TUBA8: variants seen among roughly 807,000 people sequenced by gnomAD.
TUBA8 encodes the protein tubulin alpha 8.
TUBA8 carries 29 observed loss-of-function variants against 34.7 expected under a neutral mutation model. The ratio of observed to expected loss-of-function variants is 0.84; its 90% CI spans 0.62 to 1.14. The LOEUF is 1.14. Ranked by LOEUF, TUBA8 falls within the 50% of genes most tolerant of loss-of-function variation. TUBA8 has a pLI of 0.00. For missense variants in TUBA8, 541 were observed against 599.2 expected (o/e 0.90, Z 1.01); for synonymous variants, 226 against 231.2 (o/e 0.98, Z 0.21).
intron 2 of TUBA8, 180 bp from the exon 3 acceptor site, chr22:18,123,976 G>C: frequency 1.4e-6 from 1 of 724,584 alleles, no homozygotes; most frequent in Non-Finnish European, 2.3e-6. Context: ...GGCTCTGTTA[G>C]TCCCTGAGCT....
chr22:18,126,308 C>T lies in TUBA8; in HGVS notation c.376-46C>T, dbSNP rs754267950. On this transcript the variant is annotated intron_variant, in intron 3 of 4. Transcript: ENST00000330423. The surrounding 1 kb of genome is among the most constrained non-coding windows in gnomAD (Gnocchi z 4.0). ...TGGCTTTTTTACTGTGGGGTGTTCT[C>T]GGAAACTTGTCTTCATGATTTCTTC... The T allele has an allele frequency of 2.0e-5, 32 of 1,601,168 alleles. No homozygotes were observed. In the Admixed American group the frequency reaches 2.0e-4, roughly 10 times the overall value.
In TUBA8 at chr22:18,111,222, G is replaced by A; in HGVS notation, c.3+354G>A. The stretch of plus-strand genomic sequence containing the variant: ...CAGAGTGGAGAGAAGGGCGAGTCCG[G>A]GGATTCTGGATGGGTGGTCTGGGCC... On this transcript the variant is annotated intron_variant, in intron 1 of 4. Coordinates refer to ENST00000330423, the MANE Select transcript of TUBA8 (RefSeq NM_018943.3). The surrounding 1 kb of genome is among the most constrained non-coding windows in gnomAD (Gnocchi z 5.1). The A allele has an allele frequency of 2.5e-6, 1 of 404,250 alleles. No individual in the cohort carries two copies. The highest frequency in any genetic ancestry group is 4.2e-5 in the South Asian group (1 of 23,770). The allele number at this position is 404,250 out of a possible 1,614,324, so 25.0% of individuals were successfully genotyped here.
chr22:18,130,094 C>T (rs1359344520), intron 4 of TUBA8: 1 of 152,172 alleles, frequency 6.6e-6, no homozygotes, highest in African/African-American at 2.4e-5. Context: ...CAACACCATC[C>T]CGGGGCCTTT....
At chr22:18,129,924 C>T (rs1337784921) in intron 4 of TUBA8, 1 of 152,180 alleles carries the variant, frequency 6.6e-6, no homozygotes, top group Non-Finnish European at 1.5e-5. Flanking sequence ...AGAGAGATTT[C>T]CAGGATAGCA....
Position 18,121,771 on chromosome 22 carries a change from TAAGGA to T in TUBA8, c.226+72_226+76del, listed in dbSNP as rs2123700241. On this transcript the variant is annotated intron_variant, in intron 2 of 4. Coordinates refer to ENST00000330423, the MANE Select transcript of TUBA8 (RefSeq NM_018943.3). This position sits in a 1 kb window ranked among gnomAD's most constrained non-coding sequence, Gnocchi z 4.8. ...TGCAGAGGCATTGGCCCACAGTAGCTAAGGAAGCAGCGTCTCTAGCTGGAAGGTGG... is the reference window on the plus strand; with the variant it reads ...TGCAGAGGCATTGGCCCACAGTAGCTAGCAGCGTCTCTAGCTGGAAGGTGG... The T allele has an allele frequency of 6.8e-7, 1 of 1,470,866 alleles. No individual in the cohort carries two copies. Among genetic ancestry groups the T allele is most frequent in the African/African-American group, 1.4e-5 (1 of 72,232 alleles). The allele number at this position is 1,470,866 out of a possible 1,614,324, so 91.1% of individuals were successfully genotyped here. A position where few individuals can be genotyped will look rare whatever the true frequency, so the allele number is the denominator to read the frequency against.
chr22:18,113,217 A>T (rs1330759500), intron 1 of TUBA8: 1 of 152,234 alleles, frequency 6.6e-6, no homozygotes. Flanking sequence ...TCTGTCCTGG[A>T]GCCTAAAGTG....
rs1928345718 is a variant in TUBA8 at position 18,126,888 on chromosome 22, A to T, written c.910A>T (p.Lys304Ter). 1.2e-6 allele frequency: 2 copies of T among 1,611,666 alleles called. No homozygotes were observed. The highest frequency in any genetic ancestry group is 2.7e-5 in the African/African-American group (2 of 74,848). ...CTTTGAGCCCAACAGCCAGATGGTGAAGTGCGACCCGAGACATGGCAAGTA... is the reference window on the plus strand; with the variant it reads ...CTTTGAGCCCAACAGCCAGATGGTGTAGTGCGACCCGAGACATGGCAAGTA... ...SCFEPNSQMV[K>*]CDPRHGKYMA... The change falls in exon 4 of 5, where the codon AAG becomes TAG. Residue 304 changes from lysine to a stop codon, truncating the protein, a stop_gained. Coordinates refer to ENST00000330423, the MANE Select transcript of TUBA8 (RefSeq NM_018943.3). LOFTEE classifies it high-confidence loss of function. This position sits in a 1 kb window ranked among gnomAD's most constrained non-coding sequence, Gnocchi z 4.0.
intron 1 of TUBA8, chr22:18,113,683 G>T (rs362043): frequency 0.32 from 49,131 of 152,110 alleles, 8,348 homozygotes; most frequent in African/African-American, 0.43. Flanking sequence ...GCTCTGTGGA[G>T]TTGATAGGTG....
rs1472584015 is a variant in TUBA8, at chr22:18,126,202, A to G, written c.376-152A>G. The G allele has an allele frequency of 4.1e-6, 3 of 740,072 alleles. No individual in the cohort carries two copies. The highest frequency in any genetic ancestry group is 6.9e-6 in the Non-Finnish European group (3 of 437,460). 45.8% of individuals were successfully genotyped at this position (740,072 alleles called of 1,614,324 possible). A position where few individuals can be genotyped will look rare whatever the true frequency, so the allele number is the denominator to read the frequency against. On this transcript the variant is annotated intron_variant, in intron 3 of 4. Transcript: ENST00000330423. The surrounding 1 kb of genome is among the most constrained non-coding windows in gnomAD (Gnocchi z 4.0). Reference sequence around the variant, plus strand: ...TAGCCACTCCTCCAAAGATCAATACAACTCCTTTTGTTTCCTTACTTCTTC... The same window carrying G: ...TAGCCACTCCTCCAAAGATCAATACGACTCCTTTTGTTTCCTTACTTCTTC...
At position 18,111,726 on chromosome 22, in the gene TUBA8, A is replaced by C. The variant is rs1222061785; in HGVS notation, c.3+858A>C. 6.6e-6 allele frequency: 1 copy of C among 152,044 alleles called. No individual in the cohort carries two copies. Among genetic ancestry groups the C allele is most frequent in the Non-Finnish European group, 1.5e-5 (1 of 68,030 alleles). The allele number at this position is 152,044 out of a possible 1,614,324, so 9.4% of individuals were successfully genotyped here. On this transcript the variant is annotated intron_variant, in intron 1 of 4. Coordinates refer to ENST00000330423, the MANE Select transcript of TUBA8 (RefSeq NM_018943.3). The surrounding 1 kb of genome is among the most constrained non-coding windows in gnomAD (Gnocchi z 5.1). ...CCCAGGAATCCCTCCTGGACCCCTG[A>C]TCTTTCAGCAGTAGGGAGATGGGCT... is the stretch of plus-strand genomic sequence containing the variant.
Position 18,124,291 on chromosome 22 carries a change from GCATACGGAAGCTGGTAAGAT to G in TUBA8, c.365_375+9del. 6.2e-7 allele frequency: 1 copy of G among 1,613,654 alleles called. No homozygotes were observed. Among genetic ancestry groups the G allele is most frequent in the South Asian group, 1.1e-5 (1 of 91,004 alleles). ...GAGAGCATTGACCTGGTGCTGGACC[GCATACGGAAGCTGGTAAGAT>G]CAGGAGGGCAGGGGACGGGTGGGTC... On this transcript the variant is annotated splice_donor_variant and splice_donor_5th_base_variant and coding_sequence_variant and intron_variant, in exon 3 of 5. Coordinates refer to ENST00000330423, the MANE Select transcript of TUBA8 (RefSeq NM_018943.3). LOFTEE classifies it high-confidence loss of function. The surrounding 1 kb of genome is among the most constrained non-coding windows in gnomAD (Gnocchi z 4.3).
At position 18,124,356 on chromosome 22, in the gene TUBA8, T is replaced by G. The variant is rs779668776; in HGVS notation, c.375+52T>G. 1 of 1,583,926 alleles carries G rather than the reference T, an allele frequency of 6.3e-7. No individual in the cohort carries two copies. The highest frequency in any genetic ancestry group is 8.6e-7 in the Non-Finnish European group (1 of 1,163,438). On this transcript the variant is annotated intron_variant, in intron 3 of 4. Transcript: ENST00000330423. The surrounding 1 kb of genome is among the most constrained non-coding windows in gnomAD (Gnocchi z 4.3). ...TGGGTCAGGCTGGAGTGGACAGGCT[T>G]GGCCCCATGCCTCTTTGATCAGGCT...
rs774116816 is a variant in TUBA8 at position 18,126,769 on chromosome 22, G to T, written c.791G>T (p.Arg264Leu). The change falls in exon 4 of 5, where the codon CGC becomes CTC. Residue 264 changes from arginine (R) to leucine (L), a missense_variant. Coordinates refer to ENST00000330423, the MANE Select transcript of TUBA8 (RefSeq NM_018943.3). The surrounding 1 kb of genome is among the most constrained non-coding windows in gnomAD (Gnocchi z 4.0). Reference sequence around the variant, plus strand: ...CAGACCAACCTGGTGCCCTACCCCCGCATCCACTTCCCGCTGGTCACCTAC... The same window carrying T: ...CAGACCAACCTGGTGCCCTACCCCCTCATCCACTTCCCGCTGGTCACCTAC... ...EFQTNLVPYP[R>L]IHFPLVTYAP... is the part of the protein sequence containing the mutation. 6.2e-7 allele frequency: 1 copy of T among 1,613,756 alleles called. No individual in the cohort carries two copies. Among genetic ancestry groups the T allele is most frequent in the African/African-American group, 1.3e-5 (1 of 74,784 alleles).
intron 2 of TUBA8, chr22:18,123,945 C>T: frequency 1.6e-6 from 1 of 607,312 alleles, no homozygotes; most frequent in Non-Finnish European, 2.9e-6. Flanking sequence ...CTTCTCACCG[C>T]CCACATGAGC....
In TUBA8 at chr22:18,131,594, AG is replaced by A; in HGVS notation, c.*459del. 2 of 227,508 alleles carry A rather than the reference AG, an allele frequency of 8.8e-6. No individual in the cohort carries two copies. The highest frequency in any genetic ancestry group is 8.8e-6 in the Non-Finnish European group (1 of 113,726). The allele number at this position is 227,508 out of a possible 1,614,324, so 14.1% of individuals were successfully genotyped here. ...CCCGCTCCGGGCATCATCTAGACTT[AG>A]CATGCATTCACTCCCCCATCACATA... is the stretch of plus-strand genomic sequence containing the variant. On this transcript the variant is annotated 3_prime_UTR_variant, in exon 5 of 5. Transcript: ENST00000330423. The surrounding 1 kb of genome is among the most constrained non-coding windows in gnomAD (Gnocchi z 5.3).
chr22:18,131,541 G>C lies in TUBA8; in HGVS notation c.*405G>C. On this transcript the variant is annotated 3_prime_UTR_variant, in exon 5 of 5. Transcript: ENST00000330423. This position sits in a 1 kb window ranked among gnomAD's most constrained non-coding sequence, Gnocchi z 5.3. Reference sequence around the variant, plus strand: ...TGGGAAGATTCCGGGGCAGGGGTGAGCGGACGTTCACATGAGTGGGTCTAT... The same window carrying C: ...TGGGAAGATTCCGGGGCAGGGGTGACCGGACGTTCACATGAGTGGGTCTAT... The C allele has an allele frequency of 3.4e-6, 1 of 290,988 alleles. No individual in the cohort carries two copies. The highest frequency in any genetic ancestry group is 6.6e-6 in the Non-Finnish European group (1 of 150,626). The allele number at this position is 290,988 out of a possible 1,614,324, so 18.0% of individuals were successfully genotyped here. A position where few individuals can be genotyped will look rare whatever the true frequency, so the allele number is the denominator to read the frequency against.
chr22:18,127,260 A>C (rs1159659509), intron 4 of TUBA8: 1 of 548,424 alleles, frequency 1.8e-6, no homozygotes, highest in Non-Finnish European at 3.2e-6. Context: ...TTTTAAATTG[A>C]TTAATTGGTT....
chr22:18,116,080 A>T (rs1927963891), intron 1 of TUBA8: 1 of 152,328 alleles, frequency 6.6e-6, no homozygotes, highest in African/African-American at 2.4e-5. Context: ...AATCTGAAAT[A>T]TGAGTTTGGA....
At chr22:18,130,602 T>C in intron 4 of TUBA8, 3 of 570,234 alleles carry the variant, frequency 5.3e-6, no homozygotes, top group Non-Finnish European at 9.3e-6. Context: ...TTTTTTTTTT[T>C]TTTTGGTAGA....
Sources: gnomAD v4.1 joint callset for allele counts on GRCh38, gnomAD v4.1.1 for gene constraint, Gnocchi (gnomAD v3.1) non-coding constraint, MANE v1.5 for transcripts, NCBI Gene and HGNC (gene_info 2026-07-23, HGNC 2026-07-21) for gene names.